Variants in NRAP observed in about 807,000 individuals in gnomAD.
NRAP encodes the protein nebulin related anchoring protein.
In NRAP, 189 loss-of-function variants were observed where a neutral mutation model predicts 225.9. The ratio of observed to expected loss-of-function variants is 0.84; its 90% CI spans 0.74 to 0.94. The LOEUF (loss-of-function observed/expected upper bound fraction) is 0.94. NRAP is among the 40% of genes least tolerant of loss of function. NRAP has a pLI of 0.00. For missense variants in NRAP, 2,176 were observed against 2,168.7 expected (o/e 1.00, Z -0.07); for synonymous variants, 769 against 790.7 (o/e 0.97, Z 0.46).
At chr10:113,620,049 C>G (rs1224954316) in intron 25 of NRAP, among the ~76,000 whole-genome samples, 1 of 151,900 alleles carries the variant, frequency 6.6e-6, no homozygotes, top group Non-Finnish European at 1.5e-5. Context: ...AAGAGCTGCT[C>G]ATTGACACTG....
At chr10:113,611,437 C>T (rs963433622) in intron 30 of NRAP, among the ~76,000 whole-genome samples, 2 of 152,206 alleles carry the variant, frequency 1.3e-5, no homozygotes, top group Non-Finnish European at 2.9e-5. Flanking sequence ...GCATGGAAAC[C>T]TAGCAAGCTG....
In NRAP at chr10:113,634,188, T is replaced by C. The variant is rs892763964; in HGVS notation, c.1451A>G (p.Asp484Gly). Residue 484 changes from aspartate (D) to glycine (G), a missense_variant, in exon 15 of 42, where the codon GAC (aspartate) becomes GGC (glycine). Physicochemically the swap from Asp to Gly is moderately conservative, Grantham distance 94. This residue lies in a region of NRAP where 1,708 missense variants were observed against 1,695.5 expected (regional missense o/e 1.01). Coordinates refer to ENST00000359988, the MANE Select transcript of NRAP (RefSeq NM_198060.4). ...LKDANYRQSI[D>G]KLKYSSVTDT... The stretch of plus-strand genomic sequence containing the variant: ...AGTCACCGAGCTGTACTTCAACTTG[T>C]CGATGCTCTGCCTATAATTGGCCTA... 1.9e-6 allele frequency: 3 copies of C among 1,613,160 alleles called. No homozygotes were observed. The highest frequency in any genetic ancestry group is 1.3e-5 in the African/African-American group (1 of 74,906).
At chr10:113,591,932 C>A (rs1592717474) in intron 39 of NRAP, among the ~76,000 whole-genome samples, 1 of 152,206 alleles carries the variant, frequency 6.6e-6, no homozygotes, top group Non-Finnish European at 1.5e-5. Context: ...TCATGAACCT[C>A]TTGGTACTCA....
intron 14 of NRAP, among the ~76,000 whole-genome samples, chr10:113,635,773 G>A (rs1848834454): frequency 6.6e-6 from 1 of 152,170 alleles, no homozygotes; most frequent in South Asian, 2.1e-4. Flanking sequence ...AGGTAAAAGA[G>A]GAAGAAGTAA....
Position 113,650,105 on chromosome 10 carries a change from C to T in NRAP, c.820G>A (p.Gly274Arg), listed in dbSNP as rs1849849951. Reference protein sequence around the residue: ...YHQQYQKEMRGMAGPAIGAEG... With the variant: ...YHQQYQKEMRRMAGPAIGAEG... ...GCTCCAATGGCTGGACCAGCCATTC[C>T]CCTCATTTCTTTTTGATATTGTTGA... The change falls in exon 9 of 42, where the codon GGA becomes AGA. Residue 274 changes from glycine to arginine, a missense_variant. Physicochemically the swap from Gly to Arg is moderately radical, Grantham distance 125 (BLOSUM62 -2). Coordinates refer to ENST00000359988, the MANE Select transcript of NRAP (RefSeq NM_198060.4). 1 of 1,612,318 alleles carries T rather than the reference C, an allele frequency of 6.2e-7. No homozygotes were observed. The highest frequency in any genetic ancestry group is 2.2e-5 in the East Asian group (1 of 44,880).
At chr10:113,612,475 A>G (rs372319733) in intron 29 of NRAP, 44 bp from the exon 30 acceptor site, 4 of 1,538,342 alleles carry the variant, frequency 2.6e-6, no homozygotes, top group Middle Eastern at 2.0e-4. Flanking sequence ...CAAAGCCACT[A>G]TTTGCAACAG....
chr10:113,617,844 T>C (rs1044012210), intron 25 of NRAP, among the ~76,000 whole-genome samples: 2 of 152,212 alleles, frequency 1.3e-5, no homozygotes, highest in Non-Finnish European at 2.9e-5. Context: ...AGGATTCTTT[T>C]TATAGGCTTC....
In NRAP at chr10:113,604,679, T is replaced by G. The variant is rs1846825608; in HGVS notation, c.4157A>C (p.His1386Pro). The change falls in exon 35 of 42, where the codon CAC becomes CCC. Residue 1386 changes from histidine (H) to proline (P), a missense_variant. Physicochemically the swap from His to Pro is moderately conservative, Grantham distance 77. This residue lies in a region of NRAP where 23 missense variants were observed against 47.1 expected (regional missense o/e 0.49). Coordinates refer to ENST00000359988, the MANE Select transcript of NRAP (RefSeq NM_198060.4). ...GTCCTCGGGCAGTGCTGTGAACTTGTGATACTGTGTCCTGTAGTCGTGGTC... is the reference window on the plus strand; with the variant it reads ...GTCCTCGGGCAGTGCTGTGAACTTGGGATACTGTGTCCTGTAGTCGTGGTC... Reference protein sequence around the residue: ...ASDHDYRTQYHKFTALPEDLK... With the variant: ...ASDHDYRTQYPKFTALPEDLK... The G allele has an allele frequency of 6.2e-7, 1 of 1,614,074 alleles. No homozygotes were observed. Among genetic ancestry groups the G allele is most frequent in the African/African-American group, 1.3e-5 (1 of 74,938 alleles).
chr10:113,650,099 C>G lies in NRAP; in HGVS notation c.826G>C (p.Ala276Pro). Residue 276 changes from alanine to proline, a missense_variant, in exon 9 of 42, where the codon GCT (alanine) becomes CCT (proline). This residue lies in a region of NRAP where 1,708 missense variants were observed against 1,695.5 expected (regional missense o/e 1.01). Transcript: ENST00000359988. ...CCCTCAGCTCCAATGGCTGGACCAG[C>G]CATTCCCCTCATTTCTTTTTGATAT... ...QQYQKEMRGM[A>P]GPAIGAEGIL... The G allele has an allele frequency of 6.8e-6, 11 of 1,612,856 alleles. No individual in the cohort carries two copies. Among genetic ancestry groups the G allele is most frequent in the Non-Finnish European group, 9.3e-6 (11 of 1,178,854 alleles).
At chr10:113,660,831 AAG>A (rs1176249386) in intron 3 of NRAP, among the ~76,000 whole-genome samples, 1 of 152,208 alleles carries the variant, frequency 6.6e-6, no homozygotes, top group African/African-American at 2.4e-5. Flanking sequence ...ATATATATGA[AAG>A]AGAGCCACTA....
intron 34 of NRAP, among the ~76,000 whole-genome samples, chr10:113,605,550 T>C (rs911352182): frequency 6.6e-6 from 1 of 152,252 alleles, no homozygotes; most frequent in African/African-American, 2.4e-5. Flanking sequence ...TCCTTCCTGC[T>C]AGAGACCTTT....
chr10:113,651,980 C>G (rs1384529060), intron 6 of NRAP, 73 bp from the exon 7 acceptor site: 1 of 908,604 alleles, frequency 1.1e-6, no homozygotes, highest in African/African-American at 1.6e-5. Context: ...CTGTGGCTCT[C>G]CTAAAGCTGC....
Position 113,634,310 on chromosome 10 carries a change from C to T in NRAP, c.1429-100G>A, listed in dbSNP as rs541481517. 28 of 809,760 alleles carry T rather than the reference C, an allele frequency of 3.5e-5. No individual in the cohort carries two copies. The African/African-American group carries it at 4.2e-4, about 12-fold the overall frequency. 50.2% of individuals were successfully genotyped at this position (809,760 alleles called of 1,614,324 possible). ...CAATAAAGTGGCAATTCTCAAATGG[C>T]TACGTAGAAAAAGAGTCCAATATTC... On this transcript the variant is annotated intron_variant, in intron 14 of 41. Transcript: ENST00000359988.
rs1381187616 is a variant in NRAP at position 113,642,976 on chromosome 10, A to T, written c.1173T>A (p.Pro391=). The change falls in exon 12 of 42, where the codon CCT becomes CCA. Residue 391 remains proline (P), a synonymous_variant. Transcript: ENST00000359988. ...AGATCTTGCTCACGTTCCTGAATTGAGGTGTTTCACAGTAGTTGATACTGT... is the reference window on the plus strand; with the variant it reads ...AGATCTTGCTCACGTTCCTGAATTGTGGTGTTTCACAGTAGTTGATACTGT... ...RGHSINYCET[P]QFRNVSKISK... 1.5e-5 allele frequency: 24 copies of T among 1,607,898 alleles called. No individual in the cohort carries two copies. Among genetic ancestry groups the T allele is most frequent in the Non-Finnish European group, 2.0e-5 (24 of 1,174,278 alleles).
intron 29 of NRAP, 28 bp from the exon 30 acceptor site, chr10:113,612,459 C>G: frequency 1.3e-6 from 2 of 1,593,850 alleles, no homozygotes; most frequent in Non-Finnish European, 1.7e-6. Context: ...GCAACAGCAG[C>G]TATTTCAAAG....
chr10:113,623,674 T>C (rs1395941151), intron 22 of NRAP, 38 bp from the exon 23 acceptor site: 10 of 1,338,742 alleles, frequency 7.5e-6, no homozygotes, highest in African/African-American at 5.8e-5. Flanking sequence ...TGGGTTTTCA[T>C]GTGAGAGGGT....
intron 30 of NRAP, 78 bp downstream of exon 30, chr10:113,612,156 C>T: frequency 8.5e-7 from 1 of 1,169,790 alleles, no homozygotes; most frequent in Non-Finnish European, 1.3e-6. Flanking sequence ...TTTCACTGAG[C>T]CAACAGGAGC....
chr10:113,617,094 G>A (rs1847709488), intron 26 of NRAP, among the ~76,000 whole-genome samples: 1 of 152,176 alleles, frequency 6.6e-6, no homozygotes, highest in Admixed American at 6.5e-5. Context: ...TCTAAGCACA[G>A]CGTCAGGATT....
At chr10:113,628,372 T>G (rs1848399096) in intron 20 of NRAP, among the ~76,000 whole-genome samples, 1 of 152,058 alleles carries the variant, frequency 6.6e-6, no homozygotes, top group Admixed American at 6.5e-5. Flanking sequence ...GTGCTTTTAG[T>G]AGAGACGGGG....
Sources: gnomAD v4.1 joint callset for allele counts (sites outside exome capture counted in the v4.1 genomes callset) on GRCh38, gnomAD v4.1.1 for gene constraint, gnomAD v4.1.1 regional missense constraint, MANE v1.5 for transcripts, NCBI Gene and HGNC (gene_info 2026-07-23, HGNC 2026-07-21) for gene names.